SLC2A9: variants seen among roughly 807,000 people sequenced by gnomAD.
SLC2A9 encodes solute carrier family 2, facilitated glucose transporter member 9.
In SLC2A9, 39 loss-of-function variants were observed where a neutral mutation model predicts 50.6. The ratio of observed to expected loss-of-function variants is 0.77; its 90% CI spans 0.60 to 1.01. The LOEUF (loss-of-function observed/expected upper bound fraction) is 1.01. SLC2A9 is among the 50% of genes least tolerant of loss of function. The probability of loss-of-function intolerance (pLI) is 0.00; values close to 1 mark genes in which losing one functional copy is unlikely to be tolerated. For missense variants in SLC2A9, 686 were observed against 677.6 expected (o/e 1.01, Z -0.14); for synonymous variants, 324 against 276.9 (o/e 1.17, Z -1.69).
chr4:9,825,148 G>C (rs1724926095), downstream of SLC2A9, among the ~76,000 whole-genome samples: 1 of 152,208 alleles, frequency 6.6e-6, no homozygotes, highest in Non-Finnish European at 1.5e-5. Context: ...GCTAATTCAA[G>C]TGCACTTTAC....
chr4:9,987,919 G>A (rs377662102), intron 3 of SLC2A9, among the ~76,000 whole-genome samples: 1 of 152,234 alleles, frequency 6.6e-6, no homozygotes, highest in African/African-American at 2.4e-5. Context: ...GCAGTAGAAA[G>A]TGAAAGTTGA....
At chr4:9,783,031 C>T (rs1363474836) in intron 3 of SLC2A9, 2 of 1,614,130 alleles carry the variant, frequency 1.2e-6, no homozygotes, top group African/African-American at 1.3e-5. Flanking sequence ...CCGGCTTCCC[C>T]TGCGTCAGTG....
At chr4:9,872,466 A>G (rs1391886544) in intron 10 of SLC2A9, among the ~76,000 whole-genome samples, 1 of 152,368 alleles carries the variant, frequency 6.6e-6, no homozygotes, top group Non-Finnish European at 1.5e-5. Flanking sequence ...CCCTCTCACT[A>G]TCTGAACCTT....
rs1441775534 is a variant in SLC2A9, at chr4:10,029,696, A to C, written c.-40-3690T>G. On this transcript the variant is annotated intron_variant, in intron 1 of 12. Transcript: ENST00000309065. ...CAATGGCACAATCTCATCTAACTGC[A>C]ACCTCTGCCTCCCGGGTTCAAGCGA... Among the ~76,000 whole-genome samples, 3 of 151,848 alleles carry C rather than the reference A, an allele frequency of 2.0e-5. No individual in the cohort carries two copies. The East Asian group carries it at 5.8e-4, about 29-fold the overall frequency.
Position 9,912,128 on chromosome 4 carries a change from C to T in SLC2A9, c.1003-3783G>A, listed in dbSNP as rs1170011902. Among the ~76,000 whole-genome samples the T allele has an allele frequency of 2.6e-5, 4 of 152,146 alleles. No homozygotes were observed. The East Asian group carries it at 7.7e-4, about 29-fold the overall frequency. ...ACACAGGAAGGGGAATATCACACAC[C>T]AGTGACTGTTCTGGGGTGGGGGGAG... On this transcript the variant is annotated intron_variant, in intron 7 of 11. Transcript: ENST00000264784.
intron 10 of SLC2A9, among the ~76,000 whole-genome samples, chr4:9,886,833 C>T (rs541072237): frequency 6.6e-5 from 10 of 152,322 alleles, no homozygotes; most frequent in African/African-American, 2.2e-4. Context: ...GACGTGGACA[C>T]AGGGCCAGGG....
intron 6 of SLC2A9, among the ~76,000 whole-genome samples, chr4:9,928,790 G>GA (rs1745373505): frequency 6.6e-6 from 1 of 152,094 alleles, no homozygotes; most frequent in Non-Finnish European, 1.5e-5. Flanking sequence ...CATTCAAAAA[G>GA]AAAAACTTGC....
intron 3 of SLC2A9, among the ~76,000 whole-genome samples, chr4:9,992,546 G>A (rs561587019): frequency 3.3e-5 from 5 of 152,258 alleles, no homozygotes; most frequent in South Asian, 2.1e-4. Flanking sequence ...ATGCAACCTC[G>A]CTCAAGTCAA....
chr4:9,979,227 G>A (rs538386814), intron 5 of SLC2A9, among the ~76,000 whole-genome samples: 6 of 152,242 alleles, frequency 3.9e-5, no homozygotes, highest in African/African-American at 7.2e-5. Flanking sequence ...CTCTGCTTGC[G>A]TCCAAGGCTG....
chr4:9,942,181 G>T, intron 5 of SLC2A9, 136 bp from the exon 6 acceptor site: 1 of 1,079,460 alleles, frequency 9.3e-7, no homozygotes, highest in Non-Finnish European at 1.4e-6. Context: ...AAGGCTGAGG[G>T]AAGGAACTGA....
At chr4:9,894,349 G>C (rs1738115541) in intron 8 of SLC2A9, among the ~76,000 whole-genome samples, 1 of 152,136 alleles carries the variant, frequency 6.6e-6, no homozygotes, top group African/African-American at 2.4e-5. Context: ...AAAACATGTA[G>C]TTATATAATA....
rs75241900 is a variant in SLC2A9, at chr4:9,982,268, A to C, written c.536-1531T>G. Reference sequence around the variant, plus strand: ...CTTTCTGACCAATTGTCTCACCTTAAGTGCCCTCGAGTTCTTCTCTCTGCT... The same window carrying C: ...CTTTCTGACCAATTGTCTCACCTTACGTGCCCTCGAGTTCTTCTCTCTGCT... On this transcript the variant is annotated intron_variant, in intron 4 of 11. Transcript: ENST00000264784. Among the ~76,000 whole-genome samples the C allele has an allele frequency of 3.6e-3, 545 of 152,310 alleles. 5 individuals are homozygous for C. The highest frequency in any genetic ancestry group is 0.012 in the African/African-American group (491 of 41,566).
At chr4:9,962,377 C>G (rs1390211990) in intron 5 of SLC2A9, among the ~76,000 whole-genome samples, 1 of 152,210 alleles carries the variant, frequency 6.6e-6, no homozygotes. Flanking sequence ...CTATGGAATA[C>G]TATGCAGCCA....
intron 3 of SLC2A9, chr4:9,792,712 A>G (rs1287364780): frequency 3.3e-5 from 5 of 152,394 alleles, no homozygotes; most frequent in African/African-American, 7.2e-5. Context: ...TTGCGAGCAC[A>G]CAACTGCACA....
At chr4:9,911,061 A>T (rs1448755891) in intron 7 of SLC2A9, among the ~76,000 whole-genome samples, 1 of 152,100 alleles carries the variant, frequency 6.6e-6, no homozygotes, top group African/African-American at 2.4e-5. Context: ...TGACAGGTTG[A>T]TGGGTGCAGC....
At chr4:9,787,559 CAG>C (rs1157663075) in intron 3 of SLC2A9, among the ~76,000 whole-genome samples, 1 of 152,184 alleles carries the variant, frequency 6.6e-6, no homozygotes, top group Non-Finnish European at 1.5e-5. Flanking sequence ...TTCCTAAAAA[CAG>C]GGAATTCTCT....
At chr4:9,996,488 G>C (rs1444563416) in intron 3 of SLC2A9, among the ~76,000 whole-genome samples, 1 of 152,314 alleles carries the variant, frequency 6.6e-6, no homozygotes, top group East Asian at 1.9e-4. Context: ...TGGAGGGTGG[G>C]AGGAGGGAGG....
chr4:9,929,014 C>T (rs953593146), intron 6 of SLC2A9, among the ~76,000 whole-genome samples: 4 of 152,184 alleles, frequency 2.6e-5, no homozygotes, highest in East Asian at 1.9e-4. Context: ...AGGTTGAAGC[C>T]GCTTCATCAA....
Position 9,908,235 on chromosome 4 carries a change from A to C in SLC2A9, c.1113T>G (p.Ser371=). The C allele has an allele frequency of 1.9e-6, 3 of 1,608,986 alleles. No individual in the cohort carries two copies. The highest frequency in any genetic ancestry group is 2.6e-6 in the Non-Finnish European group (3 of 1,175,250). Reference sequence around the variant, plus strand: ...CAGGAGTAACCCTCAGTTGACTTACAGAGAAGACGGCAGCCAAAGTCTCGA... The same window carrying C: ...CAGGAGTAACCCTCAGTTGACTTACCGAGAAGACGGCAGCCAAAGTCTCGA... ...GGIETLAAVF[S]GLVIEHLGRR... is the part of the protein sequence containing the mutation. Residue 371 remains serine, a splice_region_variant and synonymous_variant, in exon 8 of 12, where the codon TCT becomes TCG. Coordinates refer to ENST00000264784, the MANE Select transcript of SLC2A9 (RefSeq NM_020041.3).
Sources: gnomAD v4.1 joint callset for allele counts (sites outside exome capture counted in the v4.1 genomes callset) on GRCh38, gnomAD v4.1.1 for gene constraint, MANE v1.5 for transcripts, NCBI Gene and HGNC (gene_info 2026-07-23, HGNC 2026-07-21) for gene names.